ANKS1B: variants seen among roughly 807,000 people sequenced by gnomAD.
The protein encoded by ANKS1B is ankyrin repeat and sterile alpha motif domain-containing protein 1B.
ANKS1B carries 36 observed loss-of-function variants against 148.3 expected under a neutral mutation model. That is an observed-to-expected ratio of 0.24 (90% CI 0.19 to 0.32). The LOEUF (loss-of-function observed/expected upper bound fraction) is 0.32. Among genes scored for constraint, ANKS1B ranks in the 10% least tolerant of loss-of-function variants. The probability of loss-of-function intolerance (pLI) is 1.00; values close to 1 mark genes in which losing one functional copy is unlikely to be tolerated. For missense variants in ANKS1B, 1,157 were observed against 1,542.6 expected (o/e 0.75, Z 4.19); for synonymous variants, 542 against 560.8 (o/e 0.97, Z 0.47).
At chr12:99,085,880 G>A (rs751418093) in intron 15 of ANKS1B, among the ~76,000 whole-genome samples, 1 of 152,110 alleles carries the variant, frequency 6.6e-6, no homozygotes, top group Admixed American at 6.6e-5. Flanking sequence ...GGATGGAGGA[G>A]GGAGAGGATC....
intron 12 of ANKS1B, among the ~76,000 whole-genome samples, chr12:99,376,620 G>A (rs969058016): frequency 1.3e-5 from 2 of 152,316 alleles, no homozygotes; most frequent in South Asian, 2.1e-4. Flanking sequence ...TCTTAGAAAT[G>A]TTCCTGATGA....
intron 17 of ANKS1B, among the ~76,000 whole-genome samples, chr12:98,973,073 T>A (rs567643446): frequency 6.6e-6 from 1 of 152,206 alleles, no homozygotes; most frequent in Non-Finnish European, 1.5e-5. Context: ...AAGACCTTCA[T>A]AGAGCAAAAG....
chr12:99,302,611 G>A (rs936617345), intron 12 of ANKS1B, among the ~76,000 whole-genome samples: 5 of 152,100 alleles, frequency 3.3e-5, no homozygotes, highest in Admixed American at 2.6e-4. Context: ...AATTATTATA[G>A]TGGCTTGAAA....
chr12:99,067,127 C>T (rs1046869751), intron 16 of ANKS1B, among the ~76,000 whole-genome samples: 1 of 152,206 alleles, frequency 6.6e-6, no homozygotes, highest in Non-Finnish European at 1.5e-5. Flanking sequence ...AATTAAATAG[C>T]TGTATCATGA....
intron 17 of ANKS1B, among the ~76,000 whole-genome samples, chr12:98,838,891 T>A (rs1030564192): frequency 6.6e-6 from 1 of 152,124 alleles, no homozygotes; most frequent in Admixed American, 6.5e-5. Context: ...ATTGTCAAAG[T>A]TTTCCCCCCT....
chr12:99,697,547 C>A (rs554739069), intron 8 of ANKS1B, among the ~76,000 whole-genome samples: 150 of 152,134 alleles, frequency 9.9e-4, no homozygotes, highest in Middle Eastern at 3.4e-3. Context: ...ACTATGGAGA[C>A]AATGAAAAGA....
intron 14 of ANKS1B, among the ~76,000 whole-genome samples, chr12:99,241,709 T>C (rs1010915376): frequency 2.0e-5 from 3 of 152,232 alleles, no homozygotes; most frequent in Non-Finnish European, 4.4e-5. Context: ...CACGATCAGA[T>C]TGGCTTCATC....
intron 8 of ANKS1B, among the ~76,000 whole-genome samples, chr12:99,751,029 C>T (rs970341160): frequency 2.0e-5 from 3 of 151,726 alleles, no homozygotes; most frequent in Non-Finnish European, 2.9e-5. Context: ...TTTTTAATAT[C>T]CCTAGAACTC....
chr12:98,920,433 G>A (rs2099799951), intron 17 of ANKS1B, among the ~76,000 whole-genome samples: 2 of 152,212 alleles, frequency 1.3e-5, no homozygotes, highest in South Asian at 4.1e-4. Context: ...CGGACTTACA[G>A]TTCCACGTGG....
intron 9 of ANKS1B, among the ~76,000 whole-genome samples, chr12:99,641,700 T>C (rs1214066333): frequency 2.0e-5 from 3 of 152,152 alleles, no homozygotes; most frequent in African/African-American, 2.4e-5. Flanking sequence ...ACCAATATCA[T>C]TGATATCAAT....
At chr12:99,401,842 A>G (rs944487874) in intron 11 of ANKS1B, among the ~76,000 whole-genome samples, 2 of 146,842 alleles carry the variant, frequency 1.4e-5, no homozygotes, top group African/African-American at 2.6e-5. Context: ...CCCTAAGGCA[A>G]GGGTCAGCAA....
intron 1 of ANKS1B, among the ~76,000 whole-genome samples, chr12:99,924,703 G>A (rs1485302407): frequency 2.0e-5 from 3 of 151,944 alleles, no homozygotes; most frequent in Non-Finnish European, 4.4e-5. Flanking sequence ...ACTATTTGAG[G>A]ACACAGCTAG....
In ANKS1B at chr12:99,035,360, G is replaced by A. The variant is rs76770290; in HGVS notation, c.2778+17797C>T. Among the ~76,000 whole-genome samples the A allele has an allele frequency of 9.8e-5, 15 of 152,318 alleles. No individual in the cohort carries two copies. The East Asian group carries it at 2.7e-3, about 27-fold the overall frequency. ...AGAGGGTCTTGCCCAACACAGAGAA[G>A]GAAGGAATGCATGCTCAGGGGGGCC... On this transcript the variant is annotated intron_variant, in intron 17 of 26. Transcript: ENST00000683438.
chr12:98,879,672 T>C (rs1453707525), intron 17 of ANKS1B, among the ~76,000 whole-genome samples: 1 of 152,222 alleles, frequency 6.6e-6, no homozygotes, highest in East Asian at 1.9e-4. Flanking sequence ...TGAAAATTCT[T>C]TGACAGTGTC....
At chr12:98,844,093 G>C (rs903012890) in intron 17 of ANKS1B, among the ~76,000 whole-genome samples, 2 of 152,056 alleles carry the variant, frequency 1.3e-5, no homozygotes, top group African/African-American at 2.4e-5. Context: ...AACCTGCTCA[G>C]GAGGGCATAG....
At chr12:98,915,437 C>T (rs567590997) in intron 17 of ANKS1B, among the ~76,000 whole-genome samples, 7 of 152,192 alleles carry the variant, frequency 4.6e-5, no homozygotes, top group South Asian at 2.1e-4. Context: ...CTGCAACCTC[C>T]GCCTCCCAGG....
intron 12 of ANKS1B, among the ~76,000 whole-genome samples, chr12:99,279,842 C>T (rs2078165587): frequency 6.6e-6 from 1 of 151,828 alleles, no homozygotes; most frequent in Non-Finnish European, 1.5e-5. Context: ...GGTGAAACCC[C>T]ATCTCTAAAA....
chr12:98,996,847 A>T, intron 17 of ANKS1B, among the ~76,000 whole-genome samples: 1 of 144,536 alleles, frequency 6.9e-6, no homozygotes, highest in Middle Eastern at 3.6e-3. Flanking sequence ...AAAAAGAATT[A>T]CCATGTGAAT....
At chr12:99,723,140 G>T (rs186560289) in intron 8 of ANKS1B, among the ~76,000 whole-genome samples, 2 of 152,330 alleles carry the variant, frequency 1.3e-5, no homozygotes, top group East Asian at 3.9e-4. Context: ...AGTTCCCGGT[G>T]GGGAGGGGCG....
Sources: allele counts gnomAD v4.1 joint callset (sites outside exome capture counted in the v4.1 genomes callset), GRCh38; gene constraint gnomAD v4.1.1; transcripts MANE v1.5; gene names NCBI Gene and HGNC (gene_info 2026-07-23, HGNC 2026-07-21).